ILDR2: variants seen among roughly 807,000 people sequenced by gnomAD.
ILDR2 encodes immunoglobulin like domain containing receptor 2.
In ILDR2, 25 loss-of-function variants were observed where a neutral mutation model predicts 66.8. The ratio of observed to expected loss-of-function variants is 0.37; its 90% CI spans 0.27 to 0.52. ILDR2 has a LOEUF of 0.52. Ranked by LOEUF, ILDR2 falls within the 20% of genes least tolerant of loss-of-function variation. ILDR2 has a pLI of 0.88. For missense variants in ILDR2, 827 were observed against 876.8 expected, an observed-to-expected ratio of 0.94 and a Z score of 0.72; for synonymous variants, 367 against 357.2, an observed-to-expected ratio of 1.03 and a Z score of -0.31.
intron 1 of ILDR2, among the ~76,000 whole-genome samples, chr1:166,964,488 A>G (rs562275612): frequency 6.6e-6 from 1 of 152,344 alleles, no homozygotes; most frequent in African/African-American, 2.4e-5. Context: ...AGCAAAGGCA[A>G]AGAATATAGG....
intron 3 of ILDR2, among the ~76,000 whole-genome samples, chr1:166,952,675 G>T (rs1208653751): frequency 1.3e-5 from 2 of 152,186 alleles, no homozygotes; most frequent in East Asian, 3.8e-4. Context: ...TCGGTCAATG[G>T]TTGTGGGCAG....
intron 3 of ILDR2, among the ~76,000 whole-genome samples, chr1:166,942,228 A>C (rs1661352824): frequency 6.6e-6 from 1 of 152,232 alleles, no homozygotes; most frequent in Non-Finnish European, 1.5e-5. Context: ...TTGGACAATT[A>C]ATTATGTGGT....
intron 7 of ILDR2, among the ~76,000 whole-genome samples, chr1:166,926,485 C>A (rs1052424690): frequency 1.3e-5 from 2 of 151,954 alleles, no homozygotes; most frequent in Non-Finnish European, 1.5e-5. Flanking sequence ...GGAGCAACAA[C>A]CTTTTTTCCA....
chr1:166,900,399 C>T (rs1659239418), intron 2 of ILDR2, among the ~76,000 whole-genome samples: 1 of 152,170 alleles, frequency 6.6e-6, no homozygotes, highest in African/African-American at 2.4e-5. Context: ...CACAAGCATC[C>T]TACCCCCACA....
At chr1:166,896,065 A>T (rs1475405493) in exon 3 of ILDR2, 1 of 152,190 alleles carries the variant, frequency 6.6e-6, no homozygotes, top group Non-Finnish European at 1.5e-5. Context: ...CAGACAAGTG[A>T]TGGGGAGGTG....
In ILDR2 at chr1:166,912,122, C is replaced by A. The variant is rs1263134538; in HGVS notation, c.*7233G>T. On this transcript the variant is annotated 3_prime_UTR_variant, in exon 10 of 10. Transcript: ENST00000271417. Reference sequence around the variant, plus strand: ...ACTAGAGACAAAAAAATCTTTAGAACAGTCAGAGAGACCAGACAGATTAGG... The same window carrying A: ...ACTAGAGACAAAAAAATCTTTAGAAAAGTCAGAGAGACCAGACAGATTAGG... 2 of 152,104 alleles carry A rather than the reference C, an allele frequency of 1.3e-5. No individual in the cohort carries two copies. The highest frequency in any genetic ancestry group is 4.8e-5 in the African/African-American group (2 of 41,442). 9.4% of individuals were successfully genotyped at this position (152,104 alleles called of 1,614,324 possible). A position where few individuals can be genotyped will look rare whatever the true frequency, so the allele number is the denominator to read the frequency against.
chr1:166,927,968 A>C (rs904040906), intron 6 of ILDR2, among the ~76,000 whole-genome samples: 4 of 152,218 alleles, frequency 2.6e-5, no homozygotes, highest in African/African-American at 9.6e-5. Flanking sequence ...ATATTGTCAG[A>C]GACAAAGGCT....
At chr1:166,907,024 G>A (rs1659363440), downstream of ILDR2, 1 of 152,206 alleles carries the variant, frequency 6.6e-6, no homozygotes, top group South Asian at 2.1e-4. Flanking sequence ...CCAAAAACCA[G>A]GGTTAAGTAG....
downstream of ILDR2, among the ~76,000 whole-genome samples, chr1:166,907,730 T>C (rs1334395835): frequency 6.6e-6 from 1 of 152,180 alleles, no homozygotes; most frequent in East Asian, 1.9e-4. Context: ...TATAATGTAA[T>C]GTAAAAATTA....
intron 6 of ILDR2, among the ~76,000 whole-genome samples, chr1:166,933,919 C>T (rs1396023435): frequency 6.6e-6 from 1 of 152,166 alleles, no homozygotes; most frequent in Non-Finnish European, 1.5e-5. Flanking sequence ...TAATTACTCA[C>T]TGAGGATAGC....
Position 166,899,852 on chromosome 1 carries a change from G to A in ILDR2, n.172-3751C>T, listed in dbSNP as rs139046888. ...GGGACAAGCTCCATGAGAGCAGAAT[G>A]CAAACAGATCTGTAAGAGTTCCAAA... On this transcript the variant is annotated intron_variant and non_coding_transcript_variant, in intron 2 of 2. Coordinates refer to the ILDR2 transcript ENST00000414590. 4.1e-3 allele frequency among the ~76,000 whole-genome samples: 630 copies of A among 152,300 alleles called. 3 individuals carry two copies. The highest frequency in any genetic ancestry group is 0.011 in the African/African-American group (466 of 41,552).
chr1:166,944,147 G>A (rs1373088395), intron 3 of ILDR2, among the ~76,000 whole-genome samples: 1 of 152,170 alleles, frequency 6.6e-6, no homozygotes, highest in Non-Finnish European at 1.5e-5. Context: ...AATATGCATT[G>A]TGAATAAAAT....
chr1:166,960,316 G>A (rs1662535756), intron 1 of ILDR2, among the ~76,000 whole-genome samples: 1 of 152,188 alleles, frequency 6.6e-6, no homozygotes, highest in Admixed American at 6.5e-5. Flanking sequence ...CAAGTGAATG[G>A]CTATTAATAT....
At chr1:166,931,055 G>T (rs1194630540) in intron 6 of ILDR2, among the ~76,000 whole-genome samples, 1 of 152,146 alleles carries the variant, frequency 6.6e-6, no homozygotes, top group Non-Finnish European at 1.5e-5. Flanking sequence ...GGCTGCTGTG[G>T]CTCTTCATAC....
chr1:166,898,582 G>T (rs1571254011), intron 2 of ILDR2, among the ~76,000 whole-genome samples: 1 of 152,168 alleles, frequency 6.6e-6, no homozygotes, highest in East Asian at 1.9e-4. Context: ...TGTTTCATCT[G>T]ACAATCTTTC....
chr1:166,963,407 T>C (rs1193291362), intron 1 of ILDR2, among the ~76,000 whole-genome samples: 1 of 152,210 alleles, frequency 6.6e-6, no homozygotes, highest in Non-Finnish European at 1.5e-5. Flanking sequence ...TGTATGTATG[T>C]ATCTTGCCTA....
intron 9 of ILDR2, among the ~76,000 whole-genome samples, chr1:166,919,794 T>G (rs1022572635): frequency 3.3e-5 from 5 of 152,154 alleles, no homozygotes; most frequent in Non-Finnish European, 7.3e-5. Flanking sequence ...AATAATTGTG[T>G]CAAAATCTTT....
chr1:166,936,837 G>A lies in ILDR2; in HGVS notation c.557-100C>T. 8.7e-7 allele frequency: 1 copy of A among 1,150,344 alleles called. No homozygotes were observed. The highest frequency in any genetic ancestry group is 1.4e-5 in the South Asian group (1 of 69,758). 71.3% of individuals were successfully genotyped at this position (1,150,344 alleles called of 1,614,324 possible). On this transcript the variant is annotated intron_variant, in intron 4 of 9. Transcript: ENST00000271417. This position sits in a 1 kb window ranked among gnomAD's most constrained non-coding sequence, Gnocchi z 5.0. ...CCCGGTGAAAGGGGGAGAGGAGGAGGGACCTAGGGAAGAAAGCTTCTCTTA... is the reference window on the plus strand; with the variant it reads ...CCCGGTGAAAGGGGGAGAGGAGGAGAGACCTAGGGAAGAAAGCTTCTCTTA...
chr1:166,928,065 A>C (rs1234093164), intron 6 of ILDR2, among the ~76,000 whole-genome samples: 1 of 152,186 alleles, frequency 6.6e-6, no homozygotes, highest in Admixed American at 6.5e-5. Flanking sequence ...TTTACAGATA[A>C]GAGAAAGAGG....
Sources: gnomAD v4.1 joint callset for allele counts (sites outside exome capture counted in the v4.1 genomes callset) on GRCh38, gnomAD v4.1.1 for gene constraint, Gnocchi (gnomAD v3.1) non-coding constraint, MANE v1.5 for transcripts, NCBI Gene and HGNC (gene_info 2026-07-23, HGNC 2026-07-21) for gene names.